Variants in PID1 observed in about 807,000 individuals in gnomAD.
The protein encoded by PID1 is PTB-containing, cubilin and LRP1-interacting protein.
A neutral mutation model predicts 19.1 loss-of-function variants in PID1; 10 were observed. That is an observed-to-expected ratio of 0.52 (90% confidence interval 0.32 to 0.89). PID1 has a LOEUF of 0.89. Ranked by LOEUF, PID1 falls within the 40% of genes least tolerant of loss-of-function variation. PID1 has a pLI of 0.03. For missense variants in PID1, 248 were observed against 285.3 expected (o/e 0.87, Z 0.94); for synonymous variants, 130 against 116.0 (o/e 1.12, Z -0.78).
chr2:229,199,667 C>T (rs1216083249), intron 1 of PID1, among the ~76,000 whole-genome samples: 1 of 149,510 alleles, frequency 6.7e-6, no homozygotes, highest in East Asian at 2.0e-4. Context: ...AAGGAAGCTG[C>T]TTAATGTTCC....
At chr2:229,226,432 G>T (rs781293449) in intron 1 of PID1, among the ~76,000 whole-genome samples, 1 of 152,166 alleles carries the variant, frequency 6.6e-6, no homozygotes, top group Non-Finnish European at 1.5e-5. Context: ...CATTCTAACT[G>T]GAAGATAAAT....
chr2:229,116,162 G>A (rs1695407988), intron 2 of PID1, among the ~76,000 whole-genome samples: 1 of 152,162 alleles, frequency 6.6e-6, no homozygotes, highest in Non-Finnish European at 1.5e-5. Context: ...GGGAGGTGGA[G>A]CTTGCAGTGA....
At chr2:229,036,272 TG>T (rs956862207) in intron 2 of PID1, among the ~76,000 whole-genome samples, 11 of 152,154 alleles carry the variant, frequency 7.2e-5, no homozygotes, top group Non-Finnish European at 1.5e-4. Flanking sequence ...GCATCCTTTA[TG>T]GTTGCAATGG....
intron 2 of PID1, among the ~76,000 whole-genome samples, chr2:229,034,741 G>A (rs957244734): frequency 1.3e-5 from 2 of 151,572 alleles, no homozygotes; most frequent in African/African-American, 2.4e-5. Flanking sequence ...TTCTGACAGT[G>A]TCTCCTTTAT....
At chr2:229,131,067 TTA>T (rs1485180617) in intron 2 of PID1, among the ~76,000 whole-genome samples, 2 of 152,264 alleles carry the variant, frequency 1.3e-5, no homozygotes, top group East Asian at 3.9e-4. Flanking sequence ...CTTAACTTAA[TTA>T]TATCTTCAGT....
chr2:229,057,181 T>C (rs1489643939), intron 2 of PID1, among the ~76,000 whole-genome samples: 4 of 152,242 alleles, frequency 2.6e-5, no homozygotes, highest in Non-Finnish European at 4.4e-5. Context: ...CTCATGCCTG[T>C]AATCCCAGCA....
chr2:229,208,036 G>C (rs979911594), intron 1 of PID1, among the ~76,000 whole-genome samples: 5 of 152,126 alleles, frequency 3.3e-5, no homozygotes, highest in African/African-American at 7.2e-5. Context: ...GCAACTGCAA[G>C]CTCCAGTTCC....
At chr2:229,041,611 G>A (rs1027114158) in intron 2 of PID1, among the ~76,000 whole-genome samples, 1 of 152,048 alleles carries the variant, frequency 6.6e-6, no homozygotes, top group African/African-American at 2.4e-5. Context: ...ATGAGAAATT[G>A]GATATTTACA....
chr2:229,192,852 A>T (rs1050177958), intron 1 of PID1, among the ~76,000 whole-genome samples: 1 of 152,198 alleles, frequency 6.6e-6, no homozygotes, highest in African/African-American at 2.4e-5. Flanking sequence ...CCAAAAAAAA[A>T]GTTGAGAGAA....
At chr2:229,082,807 T>G (rs1225127938) in intron 2 of PID1, among the ~76,000 whole-genome samples, 1 of 152,140 alleles carries the variant, frequency 6.6e-6, no homozygotes. Context: ...AGATTTCAGA[T>G]TTTTAAGGCC....
intron 2 of PID1, among the ~76,000 whole-genome samples, chr2:229,053,827 C>T (rs1401269714): frequency 1.3e-5 from 2 of 152,162 alleles, no homozygotes; most frequent in Non-Finnish European, 2.9e-5. Context: ...ACCCAGCAAT[C>T]AGGGAGAGCC....
At chr2:229,040,146 C>T (rs1480265823) in intron 2 of PID1, among the ~76,000 whole-genome samples, 1 of 147,468 alleles carries the variant, frequency 6.8e-6, no homozygotes, top group African/African-American at 2.5e-5. Context: ...AGGCTGGGCA[C>T]AGTGGCTCAC....
chr2:229,266,956 G>A (rs1014536779), intron 1 of PID1, among the ~76,000 whole-genome samples: 8 of 152,144 alleles, frequency 5.3e-5, no homozygotes, highest in African/African-American at 9.7e-5. Flanking sequence ...TCCAGTTGAC[G>A]TTTTAGAGGG....
At chr2:229,144,860 T>C (rs571058598) in intron 2 of PID1, among the ~76,000 whole-genome samples, 3 of 152,134 alleles carry the variant, frequency 2.0e-5, no homozygotes, top group Admixed American at 2.0e-4. Context: ...ATTTGATGTT[T>C]TCATCTCTGC....
intron 2 of PID1, among the ~76,000 whole-genome samples, chr2:229,045,292 TTG>T (rs1321479416): frequency 6.6e-6 from 1 of 152,230 alleles, no homozygotes; most frequent in Non-Finnish European, 1.5e-5. Flanking sequence ...TATTTTTCTT[TTG>T]GATGTTGGTC....
Position 229,087,215 on chromosome 2 carries a change from TA to T in PID1, c.178-61108del, listed in dbSNP as rs569235413. Among the ~76,000 whole-genome samples the T allele has an allele frequency of 2.0e-3, 301 of 152,194 alleles. 1 individual carries two copies. Among genetic ancestry groups the T allele is most frequent in the African/African-American group, 7.0e-3 (290 of 41,534 alleles). ...GGTTATCACAGCAGATACTGACTATTAAAAAAAGATCTATTGTGGTCTAGAG... is the reference window on the plus strand; with the variant it reads ...GGTTATCACAGCAGATACTGACTATTAAAAAAGATCTATTGTGGTCTAGAG... On this transcript the variant is annotated intron_variant, in intron 2 of 2. Transcript: ENST00000392055.
intron 1 of PID1, among the ~76,000 whole-genome samples, chr2:229,184,219 ATATATATATCCCATG>A (rs562997777): frequency 0.95 from 14,497 of 15,284 alleles, 7,228 homozygotes; most frequent in Middle Eastern, 1. Context: ...TATATATCCC[ATATATATATCCCATG>A]TATATATATC....
At chr2:229,141,782 G>A (rs1690017306) in intron 2 of PID1, among the ~76,000 whole-genome samples, 1 of 152,040 alleles carries the variant, frequency 6.6e-6, no homozygotes, top group African/African-American at 2.4e-5. Flanking sequence ...GAAGATGCCT[G>A]GTGACTCATA....
chr2:229,210,525 C>CAAAAAAAAAAAAAAAAA (rs1170895327), intron 1 of PID1, among the ~76,000 whole-genome samples: 1 of 15,534 alleles, frequency 6.4e-5, no homozygotes, highest in African/African-American at 2.8e-4. Context: ...AGTTTTGTCT[C>CAAAAAAAAAAAAAAAAA]AAAAAAAAAA....
Sources: allele counts gnomAD v4.1 joint callset (sites outside exome capture counted in the v4.1 genomes callset), GRCh38; gene constraint gnomAD v4.1.1; transcripts MANE v1.5; gene names NCBI Gene and HGNC (gene_info 2026-07-23, HGNC 2026-07-21).